Variants in FBXO11 observed in about 807,000 individuals in gnomAD.
FBXO11 encodes F-box only protein 11.
FBXO11 carries 13 observed loss-of-function variants against 117.0 expected under a neutral mutation model. That is an observed-to-expected ratio of 0.11 (90% CI 0.07 to 0.18). FBXO11 has a LOEUF of 0.18. Ranked by LOEUF, FBXO11 falls within the 10% of genes least tolerant of loss-of-function variation. The pLI, the probability that FBXO11 is intolerant of heterozygous loss-of-function variation, is 1.00. For missense variants in FBXO11, 767 were observed against 1,164.4 expected (o/e 0.66, Z 4.97); for synonymous variants, 490 against 380.5 (o/e 1.29, Z -3.35).
rs1678801383 is a variant in FBXO11, at chr2:47,906,179, A to AGAGGGAGAGAAGGGAGG, written c.-476_-460dup. On this transcript the variant is annotated 5_prime_UTR_variant, in exon 1 of 23. Coordinates refer to ENST00000403359, the MANE Select transcript of FBXO11 (RefSeq NM_001190274.2). Reference sequence around the variant, plus strand: ...GGGCGGGTGAGGAAGGGAGAAAAAGAGAGGGAGAGAAGGGAGGGAGGGAGC... The same window carrying AGAGGGAGAGAAGGGAGG: ...GGGCGGGTGAGGAAGGGAGAAAAAGAGAGGGAGAGAAGGGAGGGAGGGAGAGAAGGGAGGGAGGGAGC... 5.6e-6 allele frequency: 1 copy of AGAGGGAGAGAAGGGAGG among 178,708 alleles called. No individual in the cohort carries two copies. Among genetic ancestry groups the AGAGGGAGAGAAGGGAGG allele is most frequent in the African/African-American group, 2.4e-5 (1 of 41,352 alleles). The allele number at this position is 178,708 out of a possible 1,614,324, so 11.1% of individuals were successfully genotyped here. A position where few individuals can be genotyped will look rare whatever the true frequency, so the allele number is the denominator to read the frequency against.
intron 1 of FBXO11, among the ~76,000 whole-genome samples, chr2:47,840,948 C>A (rs1672965873): frequency 6.6e-6 from 1 of 152,084 alleles, no homozygotes; most frequent in Admixed American, 6.6e-5. Flanking sequence ...CCTGTAATCC[C>A]AGCACTTTGG....
intron 1 of FBXO11, among the ~76,000 whole-genome samples, chr2:47,850,219 G>T (rs1348712230): frequency 6.6e-6 from 1 of 152,168 alleles, no homozygotes; most frequent in Non-Finnish European, 1.5e-5. Flanking sequence ...CAATCCAATG[G>T]ATGGTGGTGC....
chr2:47,833,698 A>G (rs1272326431), intron 7 of FBXO11, among the ~76,000 whole-genome samples: 1 of 152,248 alleles, frequency 6.6e-6, no homozygotes, highest in East Asian at 1.9e-4. Flanking sequence ...AAATAGTACA[A>G]AAGTATTTAA....
At chr2:47,825,635 A>G (rs917080098) in intron 11 of FBXO11, among the ~76,000 whole-genome samples, 36 of 142,212 alleles carry the variant, frequency 2.5e-4, no homozygotes, top group Admixed American at 1.8e-3. Context: ...GTTGGAGTGC[A>G]AGGGTGCAAT....
At chr2:47,887,338 T>G (rs1346037575) in intron 1 of FBXO11, among the ~76,000 whole-genome samples, 2 of 151,640 alleles carry the variant, frequency 1.3e-5, no homozygotes, top group Admixed American at 6.6e-5. Flanking sequence ...TCGAATTTTT[T>G]TTTTTTTTCT....
chr2:47,849,586 CAACTA>C (rs1411128161), intron 1 of FBXO11, among the ~76,000 whole-genome samples: 1 of 152,152 alleles, frequency 6.6e-6, no homozygotes, highest in African/African-American at 2.4e-5. Context: ...AAGAGACAGA[CAACTA>C]AACAGGCAGT....
chr2:47,883,294 T>C (rs1033026808), intron 1 of FBXO11, among the ~76,000 whole-genome samples: 2 of 152,200 alleles, frequency 1.3e-5, no homozygotes, highest in African/African-American at 4.8e-5. Context: ...AATAACAGGC[T>C]TCACAGTCCA....
intron 11 of FBXO11, among the ~76,000 whole-genome samples, chr2:47,824,966 T>G (rs1671641117): frequency 6.6e-6 from 1 of 152,214 alleles, no homozygotes; most frequent in Non-Finnish European, 1.5e-5. Context: ...TATTGCCTTA[T>G]ATTATTTCGA....
At chr2:47,821,810 G>A (rs1485288794) in intron 13 of FBXO11, among the ~76,000 whole-genome samples, 1 of 151,920 alleles carries the variant, frequency 6.6e-6, no homozygotes, top group Admixed American at 6.6e-5. Flanking sequence ...AAAAATTAAA[G>A]GGCAGCGCAT....
Position 47,866,298 on chromosome 2 carries a change from C to T in FBXO11, c.233-26529G>A, listed in dbSNP as rs569932671. On this transcript the variant is annotated intron_variant, in intron 1 of 22. Transcript: ENST00000403359. ...AAAGGGAAATAAAAATGATTCAAAA[C>T]CCAAAAATAACGTGGAAAGCAGGTA... 2.1e-5 allele frequency among the ~76,000 whole-genome samples: 3 copies of T among 142,040 alleles called. No individual in the cohort carries two copies. The South Asian group carries it at 6.9e-4, about 33-fold the overall frequency. 93.2% of individuals were successfully genotyped at this position (142,040 alleles called of 152,430 possible).
Position 47,906,023 on chromosome 2 carries a change from A to G in FBXO11, c.-303T>C, listed in dbSNP as rs531625779. 2.7e-5 allele frequency: 7 copies of G among 254,790 alleles called. No homozygotes were observed. The East Asian group carries it at 3.9e-4, about 14-fold the overall frequency. The allele number at this position is 254,790 out of a possible 1,614,324, so 15.8% of individuals were successfully genotyped here. ...GCAGAAAGACGGGCAGACCGAGAGAAAGAAAGAAAGGGCGTCCGCCGCTTG... is the reference window on the plus strand; with the variant it reads ...GCAGAAAGACGGGCAGACCGAGAGAGAGAAAGAAAGGGCGTCCGCCGCTTG... On this transcript the variant is annotated 5_prime_UTR_variant, in exon 1 of 23. Coordinates refer to ENST00000403359, the MANE Select transcript of FBXO11 (RefSeq NM_001190274.2).
chr2:47,880,607 C>T (rs965617534), intron 1 of FBXO11, among the ~76,000 whole-genome samples: 1 of 152,052 alleles, frequency 6.6e-6, no homozygotes, highest in Non-Finnish European at 1.5e-5. Context: ...AATGTATTTC[C>T]ATTTCTCCTT....
intron 1 of FBXO11, chr2:47,865,649 T>G (rs748341697): frequency 1.3e-5 from 2 of 152,220 alleles, no homozygotes; most frequent in Non-Finnish European, 2.9e-5. Flanking sequence ...CTGGCAGATC[T>G]AATTTTAATT....
intron 18 of FBXO11, among the ~76,000 whole-genome samples, chr2:47,811,948 G>GC (rs528200425): frequency 4.5e-5 from 6 of 132,226 alleles, no homozygotes; most frequent in South Asian, 4.7e-4. Context: ...CCCACCCCCT[G>GC]CCCCCCCAAC....
intron 18 of FBXO11, 38 bp downstream of exon 18, chr2:47,813,196 A>C: frequency 6.3e-7 from 1 of 1,595,198 alleles, no homozygotes; most frequent in Non-Finnish European, 8.6e-7. Context: ...AATAATGGAA[A>C]ACTGGATTTT....
intron 1 of FBXO11, among the ~76,000 whole-genome samples, chr2:47,859,573 C>G (rs1328005761): frequency 1.3e-5 from 2 of 152,210 alleles, no homozygotes; most frequent in Non-Finnish European, 2.9e-5. Flanking sequence ...AAGAAAGATT[C>G]TCTTCCAATC....
At chr2:47,867,054 T>C (rs910423511) in intron 1 of FBXO11, among the ~76,000 whole-genome samples, 21 of 152,196 alleles carry the variant, frequency 1.4e-4, no homozygotes, top group African/African-American at 4.6e-4. Context: ...AAAAATCTAA[T>C]TGCTCCCAGG....
intron 1 of FBXO11, among the ~76,000 whole-genome samples, chr2:47,877,918 C>T (rs1484541368): frequency 1.3e-5 from 2 of 152,162 alleles, no homozygotes; most frequent in African/African-American, 4.8e-5. Context: ...CTCCTGACCT[C>T]ATCATCCGCC....
At chr2:47,879,822 A>G (rs1676304610) in intron 1 of FBXO11, among the ~76,000 whole-genome samples, 1 of 152,064 alleles carries the variant, frequency 6.6e-6, no homozygotes, top group Non-Finnish European at 1.5e-5. Context: ...GGGTTTGACT[A>G]CTTTAGATAT....
Sources: allele counts gnomAD v4.1 joint callset (sites outside exome capture counted in the v4.1 genomes callset), GRCh38; gene constraint gnomAD v4.1.1; transcripts MANE v1.5; gene names NCBI Gene and HGNC (gene_info 2026-07-23, HGNC 2026-07-21).